NRCAM: variants seen among roughly 807,000 people sequenced by gnomAD.
NRCAM encodes NgCAM-related cell adhesion molecule.
In NRCAM, 83 loss-of-function variants were observed where a neutral mutation model predicts 156.5. The ratio of observed to expected loss-of-function variants is 0.53; its 90% CI spans 0.44 to 0.64. The LOEUF is 0.64. Ranked by LOEUF, NRCAM falls within the 30% of genes least tolerant of loss-of-function variation. NRCAM has a pLI of 0.00. For missense variants in NRCAM, 1,417 were observed against 1,597.3 expected (o/e 0.89, Z 1.92); for synonymous variants, 538 against 563.9 (o/e 0.95, Z 0.65).
At chr7:108,263,293 T>C (rs2096953564) in intron 3 of NRCAM, among the ~76,000 whole-genome samples, 1 of 152,260 alleles carries the variant, frequency 6.6e-6, no homozygotes, top group African/African-American at 2.4e-5. Context: ...CCTTGCCTAG[T>C]GTTTTTTCTT....
rs2071744105 is a variant in NRCAM at position 108,191,728 on chromosome 7, CCAA to C, written c.1901_1903del (p.Val634del). The C allele has an allele frequency of 3.1e-6, 5 of 1,590,896 alleles. No homozygotes were observed. Among genetic ancestry groups the C allele is most frequent in the Non-Finnish European group, 4.3e-6 (5 of 1,165,148 alleles). On this transcript the variant is annotated inframe_deletion and splice_region_variant, in exon 18 of 33. Transcript: ENST00000379028. ...TGTGCTATTTTTGTTTTCGTTCTTA[CCAA>C]CAACGCTAAGCACAGCGCTGGCGGA...
intron 3 of NRCAM, among the ~76,000 whole-genome samples, chr7:108,246,104 T>TG (rs2095894177): frequency 6.6e-6 from 1 of 152,174 alleles, no homozygotes; most frequent in Non-Finnish European, 1.5e-5. Context: ...GAAAGATGGT[T>TG]GGGGAAAAAG....
rs745657401 is a variant in NRCAM at position 108,198,056 on chromosome 7, A to G, written c.1251T>C (p.Ile417=). The change falls in exon 14 of 33, where the codon ATT becomes ATC. Residue 417 remains isoleucine, a synonymous_variant. Transcript: ENST00000379028. ...DPSRKIDGDT[I]IFSNVQERSS... The stretch of plus-strand genomic sequence containing the variant: ...ATCTTTCTTGAACATTTGAAAAAAT[A>G]ATGGTATCGCCATCTATTTTTCTGC... The G allele has an allele frequency of 1.1e-5, 18 of 1,608,190 alleles. No individual in the cohort carries two copies. In the Admixed American group the frequency reaches 2.9e-4, roughly 26 times the overall value.
chr7:108,345,741 C>T (rs2099348830), intron 2 of NRCAM, among the ~76,000 whole-genome samples: 1 of 152,252 alleles, frequency 6.6e-6, no homozygotes, highest in Non-Finnish European at 1.5e-5. Flanking sequence ...TGGTCTTGGA[C>T]TCCCTACCTT....
chr7:108,191,894 C>G (rs1563356217), intron 17 of NRCAM, 41 bp from the exon 18 acceptor site: 2 of 1,582,272 alleles, frequency 1.3e-6, no homozygotes, highest in African/African-American at 2.7e-5. Context: ...AATGGACATG[C>G]AGCCGTACCC....
intron 2 of NRCAM, among the ~76,000 whole-genome samples, chr7:108,382,322 G>A (rs1009314959): frequency 6.6e-6 from 1 of 152,042 alleles, no homozygotes; most frequent in Admixed American, 6.5e-5. Flanking sequence ...AAGGCTGGGC[G>A]CGGTGGTTCA....
At chr7:108,267,113 G>T (rs539629211) in intron 3 of NRCAM, among the ~76,000 whole-genome samples, 9 of 152,202 alleles carry the variant, frequency 5.9e-5, no homozygotes, top group Non-Finnish European at 1.3e-4. Flanking sequence ...CATTACATGA[G>T]AGAAAACTCT....
intron 12 of NRCAM, among the ~76,000 whole-genome samples, chr7:108,208,717 C>A (rs573623179): frequency 6.6e-6 from 1 of 152,100 alleles, no homozygotes; most frequent in Non-Finnish European, 1.5e-5. Flanking sequence ...GACTGTCTTA[C>A]GGCTTAGGTT....
At chr7:108,453,284 A>G (rs1381198143) in intron 1 of NRCAM, among the ~76,000 whole-genome samples, 2 of 152,230 alleles carry the variant, frequency 1.3e-5, no homozygotes, top group Non-Finnish European at 2.9e-5. Context: ...TTACACAGGG[A>G]AAATTACACC....
chr7:108,415,597 G>T (rs1486767586), intron 1 of NRCAM, among the ~76,000 whole-genome samples: 1 of 152,144 alleles, frequency 6.6e-6, no homozygotes, highest in Admixed American at 6.6e-5. Context: ...AAAAGGAGAA[G>T]AAGGCCGGGC....
chr7:108,163,132 A>T (rs569015945), intron 30 of NRCAM, among the ~76,000 whole-genome samples: 5 of 152,330 alleles, frequency 3.3e-5, no homozygotes, highest in African/African-American at 1.2e-4. Flanking sequence ...GTAGCGGAGT[A>T]AAAGAGAATC....
intron 2 of NRCAM, among the ~76,000 whole-genome samples, chr7:108,396,215 G>T (rs1220111192): frequency 6.6e-6 from 1 of 152,164 alleles, no homozygotes; most frequent in Non-Finnish European, 1.5e-5. Context: ...TTGAAACAGG[G>T]AGAAATATTC....
intron 2 of NRCAM, among the ~76,000 whole-genome samples, chr7:108,378,373 T>C (rs889669767): frequency 1.3e-5 from 2 of 151,724 alleles, no homozygotes; most frequent in Non-Finnish European, 2.9e-5. Flanking sequence ...AAAAGATTAA[T>C]AGAGAACTAG....
chr7:108,211,927 G>A, intron 11 of NRCAM, among the ~76,000 whole-genome samples: 1 of 152,174 alleles, frequency 6.6e-6, no homozygotes, highest in African/African-American at 2.4e-5. Context: ...AAAGCACCTG[G>A]CAGGAGGCCA....
chr7:108,260,616 C>T (rs182496732), intron 3 of NRCAM, among the ~76,000 whole-genome samples: 1 of 152,152 alleles, frequency 6.6e-6, no homozygotes, highest in East Asian at 1.9e-4. Context: ...TAAGATTCAC[C>T]CCCTTGCTCC....
At chr7:108,269,027 A>G (rs1052297736) in intron 3 of NRCAM, among the ~76,000 whole-genome samples, 2 of 152,178 alleles carry the variant, frequency 1.3e-5, no homozygotes, top group Non-Finnish European at 2.9e-5. Context: ...CATACAATTG[A>G]TAAGTGGCAG....
chr7:108,386,958 C>A (rs575711899), intron 2 of NRCAM, among the ~76,000 whole-genome samples: 69 of 152,184 alleles, frequency 4.5e-4, no homozygotes, highest in African/African-American at 1.6e-3. Context: ...TTACAAGCCT[C>A]TTCCAGTGTT....
rs186126955 is a variant in NRCAM at position 108,344,385 on chromosome 7, T to C, written c.-173-31654A>G. 2.9e-3 allele frequency among the ~76,000 whole-genome samples: 435 copies of C among 152,132 alleles called. 2 individuals are homozygous for C. Among genetic ancestry groups the C allele is most frequent in the African/African-American group, 0.01 (424 of 41,496 alleles). Reference sequence around the variant, plus strand: ...CCTGAGAGCACAGTGAGAGGGACAATGATCGGGATATAAACCCAGGCATTC... The same window carrying C: ...CCTGAGAGCACAGTGAGAGGGACAACGATCGGGATATAAACCCAGGCATTC... On this transcript the variant is annotated intron_variant, in intron 2 of 32. Coordinates refer to ENST00000379028, the MANE Select transcript of NRCAM (RefSeq NM_001037132.4).
chr7:108,426,894 G>A lies in NRCAM; in HGVS notation c.-331-27301C>T, dbSNP rs560249349. ...GGCAGTTTACTATTCCTTGAACAACGCTTTCATCATCTTAGTTATTGAATC... is the reference window on the plus strand; with the variant it reads ...GGCAGTTTACTATTCCTTGAACAACACTTTCATCATCTTAGTTATTGAATC... On this transcript the variant is annotated intron_variant, in intron 1 of 32. Coordinates refer to ENST00000379028, the MANE Select transcript of NRCAM (RefSeq NM_001037132.4). 2.4e-4 allele frequency among the ~76,000 whole-genome samples: 36 copies of A among 152,146 alleles called. 1 individual carries two copies. Among genetic ancestry groups the A allele is most frequent in the Non-Finnish European group, 4.4e-4 (30 of 68,020 alleles).
Sources: allele counts gnomAD v4.1 joint callset (sites outside exome capture counted in the v4.1 genomes callset), GRCh38; gene constraint gnomAD v4.1.1; transcripts MANE v1.5; gene names NCBI Gene and HGNC (gene_info 2026-07-23, HGNC 2026-07-21).